Variants in VWA8 observed in about 807,000 individuals in gnomAD.
VWA8 encodes the protein von Willebrand factor A domain-containing protein 8.
VWA8 carries 221 observed loss-of-function variants against 241.5 expected under a neutral mutation model. The observed-to-expected ratio is 0.91, with a 90% CI of 0.82 to 1.02. VWA8 has a LOEUF of 1.02. Among genes scored for constraint, VWA8 ranks in the 50% least tolerant of loss-of-function variants. VWA8 has a pLI of 0.00. For missense variants in VWA8, 2,322 were observed against 2,328.7 expected (o/e 1.00, Z 0.06); for synonymous variants, 852 against 827.1 (o/e 1.03, Z -0.52).
intron 21 of VWA8, among the ~76,000 whole-genome samples, chr13:41,757,447 A>T (rs1438645862): frequency 2.0e-5 from 3 of 151,730 alleles, no homozygotes; most frequent in East Asian, 3.9e-4. Context: ...AAATAATTAC[A>T]ACCTTTATTT....
rs769210681 is a variant in VWA8, at chr13:41,721,514, G to A, written c.2820C>T (p.Leu940=). Residue 940 remains leucine (L), a synonymous_variant, in exon 25 of 45, where the codon CTC becomes CTT. Coordinates refer to ENST00000379310, the MANE Select transcript of VWA8 (RefSeq NM_015058.2). ...NPKPHSELEM[L]RQYGPNVPEP... is the part of the protein sequence containing the mutation. ...CAGGCACATTTGGTCCATACTGTCT[G>A]AGCATCTCGAGCTCCGAGTGGGGTT... 9 of 1,613,812 alleles carry A rather than the reference G, an allele frequency of 5.6e-6. 1 individual carries two copies. In the Middle Eastern group the frequency reaches 1.2e-3, roughly 207 times the overall value.
At chr13:41,739,092 T>TG (rs1410855961) in intron 21 of VWA8, among the ~76,000 whole-genome samples, 1 of 152,226 alleles carries the variant, frequency 6.6e-6, no homozygotes, top group African/African-American at 2.4e-5. Flanking sequence ...CCAATGGTAC[T>TG]GCTTTAGAGA....
chr13:41,582,419 G>T (rs1277164477), intron 42 of VWA8, among the ~76,000 whole-genome samples: 3 of 152,126 alleles, frequency 2.0e-5, no homozygotes, highest in Non-Finnish European at 4.4e-5. Context: ...AGCGGCTTCT[G>T]AAGGTTTCAA....
At position 41,727,180 on chromosome 13, in the gene VWA8, ATTACTGT is replaced by A. The variant is rs1439157793; in HGVS notation, c.2758+7_2758+13del. The A allele has an allele frequency of 2.6e-6, 4 of 1,531,318 alleles. No individual in the cohort carries two copies. In the Admixed American group the frequency reaches 8.3e-5, roughly 32 times the overall value. The allele number at this position is 1,531,318 out of a possible 1,614,324, so 94.9% of individuals were successfully genotyped here. Reference sequence around the variant, plus strand: ...TACTGCTATTGGTATTGTTATTATCATTACTGTTTTTACCTAAGGTACCGAAGAAATC... The same window carrying A: ...TACTGCTATTGGTATTGTTATTATCATTTTACCTAAGGTACCGAAGAAATC... On this transcript the variant is annotated splice_region_variant and intron_variant, in intron 24 of 44. Coordinates refer to ENST00000379310, the MANE Select transcript of VWA8 (RefSeq NM_015058.2).
intron 3 of VWA8, among the ~76,000 whole-genome samples, chr13:41,909,291 T>C (rs989276011): frequency 1.3e-5 from 2 of 152,180 alleles, no homozygotes; most frequent in African/African-American, 4.8e-5. Context: ...AACTCTTGAC[T>C]TCAAGTGATC....
At chr13:41,659,685 A>T (rs2044935351) in intron 37 of VWA8, among the ~76,000 whole-genome samples, 1 of 152,204 alleles carries the variant, frequency 6.6e-6, no homozygotes, top group Admixed American at 6.5e-5. Flanking sequence ...CATAATTCTG[A>T]TCTCAACATA....
At chr13:41,951,599 G>A (rs1370066415) in intron 1 of VWA8, among the ~76,000 whole-genome samples, 1 of 152,118 alleles carries the variant, frequency 6.6e-6, no homozygotes, top group Non-Finnish European at 1.5e-5. Context: ...AGCAAAATAG[G>A]CATGGTGATA....
chr13:41,904,558 G>C (rs1048402404), intron 4 of VWA8, among the ~76,000 whole-genome samples: 1 of 151,866 alleles, frequency 6.6e-6, no homozygotes, highest in Non-Finnish European at 1.5e-5. Flanking sequence ...GGTGGTGTGG[G>C]GTTTACAGCA....
intron 4 of VWA8, among the ~76,000 whole-genome samples, chr13:41,894,482 T>C (rs950104294): frequency 3.3e-5 from 5 of 152,356 alleles, no homozygotes; most frequent in African/African-American, 1.2e-4. Flanking sequence ...TGCAGGTATA[T>C]GTATAGAGCA....
chr13:41,578,554 C>G (rs574532163), intron 42 of VWA8, among the ~76,000 whole-genome samples: 1 of 152,256 alleles, frequency 6.6e-6, no homozygotes, highest in Non-Finnish European at 1.5e-5. Context: ...GGAAAAGATG[C>G]ATACTCTCAT....
At chr13:41,773,721 G>T (rs79393999) in intron 20 of VWA8, among the ~76,000 whole-genome samples, 22,850 of 152,238 alleles carry the variant, frequency 0.15, 1,852 homozygotes, top group Non-Finnish European at 0.19. Context: ...GTTCTATTTA[G>T]ATTTTAACCA....
At chr13:41,585,886 G>C (rs1258343710) in intron 42 of VWA8, among the ~76,000 whole-genome samples, 2 of 143,490 alleles carry the variant, frequency 1.4e-5, no homozygotes, top group African/African-American at 5.1e-5. Context: ...AAAAGAAAAA[G>C]AAAAAGAAAA....
At chr13:41,614,885 G>T in intron 38 of VWA8, 91 bp downstream of exon 38, 1 of 1,263,606 alleles carries the variant, frequency 7.9e-7, no homozygotes, top group Non-Finnish European at 1.1e-6. Context: ...AGGAAAGCCC[G>T]TCTCTGAGTC....
At chr13:41,886,641 T>TA in intron 7 of VWA8, 140 bp downstream of exon 7, 2 of 694,068 alleles carry the variant, frequency 2.9e-6, no homozygotes, top group South Asian at 3.7e-5. Context: ...TTATTAATTT[T>TA]ATCACCAAAC....
At chr13:41,732,057 AT>A (rs777784157) in intron 22 of VWA8, 22 bp downstream of exon 22, 1 of 1,593,470 alleles carries the variant, frequency 6.3e-7, no homozygotes. Flanking sequence ...ACTTGAAAAT[AT>A]TTCTATGATT....
chr13:41,706,427 C>T (rs1454070379), intron 26 of VWA8, among the ~76,000 whole-genome samples: 1 of 152,168 alleles, frequency 6.6e-6, no homozygotes, highest in Admixed American at 6.5e-5. Flanking sequence ...CACAATCAAA[C>T]TGACTCCATC....
intron 4 of VWA8, among the ~76,000 whole-genome samples, chr13:41,900,534 A>G (rs140322057): frequency 6.6e-6 from 1 of 152,344 alleles, no homozygotes; most frequent in African/African-American, 2.4e-5. Flanking sequence ...ACCTAAAATC[A>G]AAAAGTATCT....
At chr13:41,761,342 C>T (rs966624122) in intron 20 of VWA8, 138 bp from the exon 21 acceptor site, 3 of 741,476 alleles carry the variant, frequency 4.0e-6, no homozygotes, top group Non-Finnish European at 6.6e-6. Context: ...GAAAACCAAA[C>T]TGGCAAACAT....
chr13:41,825,416 G>A (rs1871136701), intron 14 of VWA8, among the ~76,000 whole-genome samples: 1 of 152,060 alleles, frequency 6.6e-6, no homozygotes, highest in African/African-American at 2.4e-5. Flanking sequence ...GTTGGAACAA[G>A]AGCTTTAAAG....
Sources: gnomAD v4.1 joint callset for allele counts (sites outside exome capture counted in the v4.1 genomes callset) on GRCh38, gnomAD v4.1.1 for gene constraint, MANE v1.5 for transcripts, NCBI Gene and HGNC (gene_info 2026-07-23, HGNC 2026-07-21) for gene names.